Variants in GABRB2 observed in about 807,000 individuals in gnomAD.
The protein encoded by GABRB2 is gamma-aminobutyric acid type A receptor subunit beta2, also known as gamma-aminobutyric acid receptor subunit beta-2.
GABRB2 carries 16 observed loss-of-function variants against 54.7 expected under a neutral mutation model. The ratio of observed to expected loss-of-function variants is 0.29; its 90% CI spans 0.20 to 0.44. The LOEUF is 0.44. Among genes scored for constraint, GABRB2 ranks in the 20% least tolerant of loss-of-function variants. GABRB2 has a pLI of 1.00. For missense variants in GABRB2, 355 were observed against 644.0 expected (o/e 0.55, Z 4.86); for synonymous variants, 244 against 233.8 (o/e 1.04, Z -0.40).
intron 6 of GABRB2, among the ~76,000 whole-genome samples, chr5:161,335,394 C>T (rs1431404394): frequency 8.6e-5 from 13 of 151,940 alleles, no homozygotes. Context: ...GTATATGCTT[C>T]TTTTTTTTAA....
intron 5 of GABRB2, among the ~76,000 whole-genome samples, chr5:161,340,221 C>T (rs897802610): frequency 6.6e-6 from 1 of 152,006 alleles, no homozygotes; most frequent in Non-Finnish European, 1.5e-5. Flanking sequence ...AGTTTTCCAA[C>T]AGCAGAAACA....
chr5:161,334,625 C>A, intron 7 of GABRB2, 127 bp downstream of exon 7: 2 of 878,792 alleles, frequency 2.3e-6, no homozygotes, highest in Non-Finnish European at 3.5e-6. Context: ...CATAGCGAAA[C>A]TCTTACAGTG....
chr5:161,429,735 T>C (rs1426433767), intron 4 of GABRB2, among the ~76,000 whole-genome samples: 1 of 152,110 alleles, frequency 6.6e-6, no homozygotes, highest in African/African-American at 2.4e-5. Context: ...GCTAAAATTA[T>C]AAGGGATTTA....
chr5:161,543,978 CATAAGGT>C (rs941536412), intron 3 of GABRB2, among the ~76,000 whole-genome samples: 2 of 152,172 alleles, frequency 1.3e-5, no homozygotes, highest in African/African-American at 2.4e-5. Context: ...CTTGCATACT[CATAAGGT>C]ATAAGCACAG....
At chr5:161,481,676 T>C (rs1219033321) in intron 3 of GABRB2, among the ~76,000 whole-genome samples, 1 of 152,040 alleles carries the variant, frequency 6.6e-6, no homozygotes, top group Non-Finnish European at 1.5e-5. Flanking sequence ...CATGTTTAGC[T>C]TTAATCCATT....
At chr5:161,372,433 G>A (rs573927010) in intron 5 of GABRB2, among the ~76,000 whole-genome samples, 2 of 151,944 alleles carry the variant, frequency 1.3e-5, no homozygotes, top group Non-Finnish European at 2.9e-5. Flanking sequence ...CTCCCTAATC[G>A]CAATAGGTGT....
intron 3 of GABRB2, among the ~76,000 whole-genome samples, chr5:161,522,958 ATAT>A (rs1249730489): frequency 6.6e-6 from 1 of 151,298 alleles, no homozygotes; most frequent in Non-Finnish European, 1.5e-5. Context: ...TGTGTGTGTA[ATAT>A]TATTAATAGA....
At chr5:161,438,952 A>G (rs907120267) in intron 4 of GABRB2, among the ~76,000 whole-genome samples, 1 of 152,202 alleles carries the variant, frequency 6.6e-6, no homozygotes, top group African/African-American at 2.4e-5. Context: ...TTGGCCTTAA[A>G]GAGGAGGTAG....
At chr5:161,336,386 T>C (rs1007826998) in intron 6 of GABRB2, among the ~76,000 whole-genome samples, 6 of 152,072 alleles carry the variant, frequency 3.9e-5, no homozygotes, top group African/African-American at 1.2e-4. Flanking sequence ...TTTCTAAAAA[T>C]TAGTCGCTTC....
At chr5:161,463,485 T>A (rs1758175993) in intron 3 of GABRB2, among the ~76,000 whole-genome samples, 1 of 146,038 alleles carries the variant, frequency 6.8e-6, no homozygotes, top group African/African-American at 2.5e-5. Flanking sequence ...TCAAATGTTA[T>A]TCACTTCATT....
chr5:161,498,474 T>C (rs548997909), intron 3 of GABRB2, among the ~76,000 whole-genome samples: 9 of 152,270 alleles, frequency 5.9e-5, no homozygotes, highest in Middle Eastern at 3.4e-3. Context: ...GAAGTTGCAC[T>C]CACCAAATCA....
chr5:161,537,933 T>C (rs915531962), intron 3 of GABRB2, among the ~76,000 whole-genome samples: 16 of 151,930 alleles, frequency 1.1e-4, no homozygotes, highest in Non-Finnish European at 2.1e-4. Context: ...CCCTCCTCTA[T>C]GTTATTCTTT....
intron 3 of GABRB2, among the ~76,000 whole-genome samples, chr5:161,534,052 A>T (rs1581064905): frequency 6.6e-6 from 1 of 152,324 alleles, no homozygotes; most frequent in East Asian, 1.9e-4. Flanking sequence ...ACCATAAATG[A>T]AAATGGTAAT....
At chr5:161,454,253 T>C (rs1341197505) in intron 4 of GABRB2, among the ~76,000 whole-genome samples, 3 of 151,992 alleles carry the variant, frequency 2.0e-5, no homozygotes, top group African/African-American at 4.8e-5. Flanking sequence ...CAGTTAAGAG[T>C]TGTCATGACC....
intron 5 of GABRB2, among the ~76,000 whole-genome samples, chr5:161,395,909 T>C (rs1301964468): frequency 6.6e-6 from 1 of 152,174 alleles, no homozygotes; most frequent in African/African-American, 2.4e-5. Context: ...AAGAATATAA[T>C]AAGTACTTGA....
intron 3 of GABRB2, among the ~76,000 whole-genome samples, chr5:161,505,142 G>GT (rs1759568011): frequency 2.6e-5 from 2 of 77,178 alleles, no homozygotes; most frequent in African/African-American, 9.9e-5. Context: ...TGTTTGTTTT[G>GT]TTTTTTGAGA....
chr5:161,363,598 A>C (rs1025875779), intron 5 of GABRB2, among the ~76,000 whole-genome samples: 3 of 152,154 alleles, frequency 2.0e-5, no homozygotes, highest in African/African-American at 7.2e-5. Context: ...GCTACTAAGG[A>C]GGCTGAGGCA....
At chr5:161,332,132 C>G (rs1373862853) in intron 7 of GABRB2, among the ~76,000 whole-genome samples, 1 of 145,982 alleles carries the variant, frequency 6.9e-6, no homozygotes, top group Non-Finnish European at 1.5e-5. Flanking sequence ...CGCCACTGCA[C>G]TCCCGCCTGG....
chr5:161,386,288 A>G (rs1464467521), intron 5 of GABRB2, among the ~76,000 whole-genome samples: 2 of 152,138 alleles, frequency 1.3e-5, no homozygotes, highest in East Asian at 1.9e-4. Flanking sequence ...AACCACTTCA[A>G]TAATTTTCGA....
Sources: allele counts gnomAD v4.1 joint callset (sites outside exome capture counted in the v4.1 genomes callset), GRCh38; gene constraint gnomAD v4.1.1; transcripts MANE v1.5; gene names NCBI Gene and HGNC (gene_info 2026-07-23, HGNC 2026-07-21).